The following MATCAP2 variants were observed in gnomAD, a reference collection of about 807,000 sequenced individuals.
The protein encoded by MATCAP2 is putative tyrosine carboxypeptidase MATCAP2.
the MATCAP2 span, among the ~76,000 whole-genome samples, chr7:36,381,413 G>A: frequency 1.3e-5 from 2 of 152,160 alleles, no homozygotes; most frequent in South Asian, 4.1e-4. Context: ...GCTCATGCCT[G>A]TAATCCCATC....
chr7:36,347,552 T>G, the MATCAP2 span, among the ~76,000 whole-genome samples: 1 of 152,198 alleles, frequency 6.6e-6, no homozygotes, highest in Non-Finnish European at 1.5e-5. Flanking sequence ...TTTCTCAGGT[T>G]TAGGTTCTTC....
the MATCAP2 span, among the ~76,000 whole-genome samples, chr7:36,371,410 T>C: frequency 1.8e-3 from 268 of 152,200 alleles, 1 homozygote; most frequent in Non-Finnish European, 2.5e-3. Context: ...AGTATTTTTT[T>C]ATTTTGTCAG....
the MATCAP2 span, among the ~76,000 whole-genome samples, chr7:36,348,090 T>C: frequency 6.6e-6 from 1 of 152,328 alleles, no homozygotes; most frequent in East Asian, 1.9e-4. Context: ...ATGGCTCCTT[T>C]GCTTAGGTGG....
chr7:36,340,743 C>T, the MATCAP2 span, among the ~76,000 whole-genome samples: 1 of 152,150 alleles, frequency 6.6e-6, no homozygotes, highest in South Asian at 2.1e-4. Context: ...ATAGAGATAG[C>T]GACAGTAGCT....
chr7:36,366,862 G>A, the MATCAP2 span: 2 of 1,499,082 alleles, frequency 1.3e-6, no homozygotes, highest in Non-Finnish European at 1.8e-6. Context: ...CCCGGGCGGC[G>A]GGACCCCGGT....
chr7:36,328,239 T>TGGCG, the MATCAP2 span, among the ~76,000 whole-genome samples: 1 of 25,252 alleles, frequency 4.0e-5, no homozygotes, highest in African/African-American at 1.0e-4. Flanking sequence ...TTTGTTTTTG[T>TGGCG]AGGGGGGGGG....
At chr7:36,333,322 T>C in the MATCAP2 span, among the ~76,000 whole-genome samples, 2 of 152,102 alleles carry the variant, frequency 1.3e-5, no homozygotes, top group African/African-American at 4.8e-5. Flanking sequence ...AATCTAGAGA[T>C]GAAAAGAACA....
the MATCAP2 span, among the ~76,000 whole-genome samples, chr7:36,337,324 A>G: frequency 6.6e-6 from 1 of 152,130 alleles, no homozygotes; most frequent in Admixed American, 6.5e-5. Flanking sequence ...TAACACACAT[A>G]TGCAGAATGG....
At chr7:36,389,928 C>G in the MATCAP2 span, 1 of 1,609,794 alleles carries the variant, frequency 6.2e-7, no homozygotes, top group Non-Finnish European at 8.5e-7. Context: ...GCCTCAGACT[C>G]CTGGTTTTTT....
the MATCAP2 span, chr7:36,356,956 A>G: frequency 6.2e-7 from 1 of 1,614,250 alleles, no homozygotes; most frequent in Non-Finnish European, 8.5e-7. Flanking sequence ...CGCTTGGCAG[A>G]GCAGGATTGG....
At chr7:36,384,547 T>C in the MATCAP2 span, among the ~76,000 whole-genome samples, 1 of 152,216 alleles carries the variant, frequency 6.6e-6, no homozygotes, top group Admixed American at 6.5e-5. Flanking sequence ...TGCCACAGCT[T>C]ACACTGTAGT....
chr7:36,365,125 C>CTAAT, the MATCAP2 span, among the ~76,000 whole-genome samples: 1 of 152,196 alleles, frequency 6.6e-6, no homozygotes, highest in Non-Finnish European at 1.5e-5. Flanking sequence ...CTCTGCATGA[C>CTAAT]TAATTGATCA....
the MATCAP2 span, chr7:36,356,799 A>C: frequency 1.0e-6 from 1 of 1,004,486 alleles, no homozygotes; most frequent in Non-Finnish European, 1.5e-6. Context: ...ATAACATAGA[A>C]ATAATTTGAA....
At chr7:36,379,813 TAC>T in the MATCAP2 span, among the ~76,000 whole-genome samples, 28,676 of 123,418 alleles carry the variant, frequency 0.23, 3,625 homozygotes, top group African/African-American at 0.35. Context: ...CAATGGTAAG[TAC>T]ACACACACAC....
the MATCAP2 span, among the ~76,000 whole-genome samples, chr7:36,367,784 C>T: frequency 6.6e-6 from 1 of 152,152 alleles, no homozygotes; most frequent in Admixed American, 6.5e-5. Flanking sequence ...CCATGGGAGG[C>T]GGGCCACGGT....
chr7:36,335,274 TG>T, the MATCAP2 span: 1 of 1,137,078 alleles, frequency 8.8e-7, no homozygotes, highest in Non-Finnish European at 1.3e-6. Flanking sequence ...AAATTAACAC[TG>T]TTTTTTGTTT....
At chr7:36,357,711 G>T in the MATCAP2 span, 1 of 713,088 alleles carries the variant, frequency 1.4e-6, no homozygotes, top group Non-Finnish European at 2.2e-6. Context: ...GTAATCATTA[G>T]AAAAAAACAT....
At chr7:36,387,889 C>T in the MATCAP2 span, among the ~76,000 whole-genome samples, 1 of 152,162 alleles carries the variant, frequency 6.6e-6, no homozygotes, top group Non-Finnish European at 1.5e-5. Context: ...CACGCATACA[C>T]ACACAGACAC....
At chr7:36,382,547 C>T in the MATCAP2 span, among the ~76,000 whole-genome samples, 1 of 151,710 alleles carries the variant, frequency 6.6e-6, no homozygotes, top group African/African-American at 2.4e-5. Flanking sequence ...GGCAGGAGTG[C>T]AGTGGCGTGA....
Sources: gnomAD v4.1 joint callset for allele counts (sites outside exome capture counted in the v4.1 genomes callset) on GRCh38, gnomAD v4.1.1 for gene constraint, MANE v1.5 for transcripts, NCBI Gene and HGNC (gene_info 2026-07-23, HGNC 2026-07-21) for gene names.